The following FYCO1 variants were observed in gnomAD, a reference collection of about 807,000 sequenced individuals.
FYCO1 encodes the protein FYVE and coiled-coil domain-containing protein 1.
In FYCO1, 122 loss-of-function variants were observed where a neutral mutation model predicts 165.1. That is an observed-to-expected ratio of 0.74 (90% CI 0.64 to 0.86). The LOEUF is 0.86. Ranked by LOEUF, FYCO1 falls within the 40% of genes least tolerant of loss-of-function variation. The probability of loss-of-function intolerance (pLI) is 0.00; values close to 1 mark genes in which losing one functional copy is unlikely to be tolerated. For missense variants in FYCO1, 1,702 were observed against 1,810.3 expected, an observed-to-expected ratio of 0.94 and a Z score of 1.09; for synonymous variants, 648 against 742.5, an observed-to-expected ratio of 0.87 and a Z score of 2.07.
At chr3:45,977,669 A>C (rs1706843094) in intron 4 of FYCO1, among the ~76,000 whole-genome samples, 1 of 151,904 alleles carries the variant, frequency 6.6e-6, no homozygotes, top group African/African-American at 2.4e-5. Flanking sequence ...TTGTGCCAAG[A>C]GCCCGATGCC....
chr3:45,934,471 A>C (rs941633800), intron 15 of FYCO1, among the ~76,000 whole-genome samples: 1 of 152,262 alleles, frequency 6.6e-6, no homozygotes, highest in Non-Finnish European at 1.5e-5. Flanking sequence ...CATGGAGGCC[A>C]GAGGGAAGTA....
At chr3:45,982,125 G>A (rs1707089884) in intron 2 of FYCO1, among the ~76,000 whole-genome samples, 1 of 152,180 alleles carries the variant, frequency 6.6e-6, no homozygotes, top group Non-Finnish European at 1.5e-5. Flanking sequence ...TAATAGTAGT[G>A]ACAATCACAA....
intron 4 of FYCO1, among the ~76,000 whole-genome samples, chr3:45,979,334 ACT>A (rs1706929543): frequency 6.6e-6 from 1 of 150,638 alleles, no homozygotes; most frequent in South Asian, 2.1e-4. Context: ...AGCATAGCAA[ACT>A]CTAAAGAATT....
intron 6 of FYCO1, 121 bp downstream of exon 6, chr3:45,972,967 G>A (rs1238739751): frequency 1.0e-6 from 1 of 973,446 alleles, no homozygotes; most frequent in African/African-American, 1.6e-5. Context: ...TGGAATAAGA[G>A]TTGAACAGGT....
At chr3:45,944,227 T>C (rs938966544) in intron 14 of FYCO1, among the ~76,000 whole-genome samples, 5 of 151,944 alleles carry the variant, frequency 3.3e-5, no homozygotes, top group Non-Finnish European at 5.9e-5. Flanking sequence ...TATATATATA[T>C]ACATTATTTC....
rs558777911 is a variant in FYCO1, at chr3:45,981,624, C to T, written c.108G>A (p.Thr36=). 3.2e-5 allele frequency: 51 copies of T among 1,614,048 alleles called. No individual in the cohort carries two copies. The highest frequency in any genetic ancestry group is 1.6e-4 in the Middle Eastern group (1 of 6,062). Residue 36 remains threonine (T), a synonymous_variant, in exon 3 of 18, where the codon ACG becomes ACA. Transcript: ENST00000296137. Reference sequence around the variant, plus strand: ...ATTTATGCAAGCTGGTGCTGTCATCCGTGATGGGTTCCCCTGCTTCCTGAA... The same window carrying T: ...ATTTATGCAAGCTGGTGCTGTCATCTGTGATGGGTTCCCCTGCTTCCTGAA... The part of the protein sequence containing the change: ...KEFQEAGEPI[T]DDSTSLHKFS...
At chr3:45,931,613 A>T (rs1703631954) in intron 15 of FYCO1, among the ~76,000 whole-genome samples, 1 of 152,238 alleles carries the variant, frequency 6.6e-6, no homozygotes, top group African/African-American at 2.4e-5. Flanking sequence ...CCTCATGGAC[A>T]GGAAGCAAGT....
At chr3:45,970,210 G>A (rs1200790960) in intron 6 of FYCO1, among the ~76,000 whole-genome samples, 3 of 152,232 alleles carry the variant, frequency 2.0e-5, no homozygotes, top group African/African-American at 4.8e-5. Context: ...AGGCCAGTCA[G>A]TGCAGATACA....
At chr3:45,956,558 G>T (rs1338102501) in intron 13 of FYCO1, among the ~76,000 whole-genome samples, 5 of 149,786 alleles carry the variant, frequency 3.3e-5, no homozygotes, top group Non-Finnish European at 7.5e-5. Flanking sequence ...CCCTGCTTTA[G>T]AAGTGAAGTT....
At chr3:45,950,057 T>C (rs1001127244) in intron 14 of FYCO1, among the ~76,000 whole-genome samples, 1 of 152,130 alleles carries the variant, frequency 6.6e-6, no homozygotes, top group African/African-American at 2.4e-5. Flanking sequence ...ACAGGCTCCA[T>C]TCCACAGAGG....
In FYCO1 at chr3:45,921,860, A is replaced by G; in HGVS notation, c.4362-20T>C. 6.4e-7 allele frequency: 1 copy of G among 1,550,730 alleles called. No individual in the cohort carries two copies. The highest frequency in any genetic ancestry group is 8.9e-7 in the Non-Finnish European group (1 of 1,122,536). On this transcript the variant is annotated intron_variant, in intron 17 of 17. Coordinates refer to ENST00000296137, the MANE Select transcript of FYCO1 (RefSeq NM_024513.4). ...ACAAACCTGAGGAAACAGAAATGGA[A>G]AGGGAGGGTGTTACCTGAGAGCTGA...
intron 14 of FYCO1, among the ~76,000 whole-genome samples, chr3:45,952,553 G>A (rs1705092956): frequency 6.6e-6 from 1 of 152,232 alleles, no homozygotes; most frequent in African/African-American, 2.4e-5. Context: ...GTTCCTATCA[G>A]TTAGTCCCAG....
chr3:45,951,782 C>G (rs563913156), intron 14 of FYCO1, among the ~76,000 whole-genome samples: 2 of 152,254 alleles, frequency 1.3e-5, no homozygotes, highest in South Asian at 4.1e-4. Flanking sequence ...ACAGGGACCA[C>G]TAGGAGGTTG....
In FYCO1 at chr3:45,919,170, G is replaced by T. The variant is rs958010507; in HGVS notation, c.*2595C>A. ...AGCCAGGGCTACCACCTGCAGCAGT[G>T]GTTCTTCAATTGCTATTTGCATTTC... On this transcript the variant is annotated 3_prime_UTR_variant, in exon 18 of 18. Coordinates refer to ENST00000296137, the MANE Select transcript of FYCO1 (RefSeq NM_024513.4). The T allele has an allele frequency of 6.6e-6, 1 of 151,944 alleles. No homozygotes were observed. Among genetic ancestry groups the T allele is most frequent in the Admixed American group, 6.6e-5 (1 of 15,262 alleles). 9.4% of individuals were successfully genotyped at this position (151,944 alleles called of 1,614,324 possible). A position where few individuals can be genotyped will look rare whatever the true frequency, so the allele number is the denominator to read the frequency against.
At chr3:45,960,874 G>A (rs1472651947) in intron 11 of FYCO1, among the ~76,000 whole-genome samples, 1 of 152,084 alleles carries the variant, frequency 6.6e-6, no homozygotes, top group Non-Finnish European at 1.5e-5. Context: ...GCTCACTGGT[G>A]TCTGAGTCTC....
Position 45,950,029 on chromosome 3 carries a change from G to A in FYCO1, c.3944+5220C>T, listed in dbSNP as rs1486997688. Reference sequence around the variant, plus strand: ...CTCCATCCACATCACAGCCCAGGAAGCAGAAGATGCTGTTGGTACAGGCTC... The same window carrying A: ...CTCCATCCACATCACAGCCCAGGAAACAGAAGATGCTGTTGGTACAGGCTC... On this transcript the variant is annotated intron_variant, in intron 14 of 17. Coordinates refer to ENST00000296137, the MANE Select transcript of FYCO1 (RefSeq NM_024513.4). 2.6e-5 allele frequency among the ~76,000 whole-genome samples: 4 copies of A among 152,160 alleles called. No individual in the cohort carries two copies. The South Asian group carries it at 6.2e-4, about 24-fold the overall frequency.
Position 45,966,854 on chromosome 3 carries a change from A to G in FYCO1, c.2480T>C (p.Val827Ala), listed in dbSNP as rs1706059448. 1 of 1,612,550 alleles carries G rather than the reference A, an allele frequency of 6.2e-7. No homozygotes were observed. Among genetic ancestry groups the G allele is most frequent in the Admixed American group, 1.7e-5 (1 of 60,028 alleles). ...EAVLREHKTL[V>A]QQLKEQNEAL... ...TTCATTCTGCTCCTTCAGCTGCTGC[A>G]CAAGGGTTTTGTGCTCCCTCAGGAC... Residue 827 changes from valine (V) to alanine (A), a missense_variant, in exon 8 of 18, where the codon GTG becomes GCG. Val to Ala is a moderately conservative substitution (Grantham distance 64, BLOSUM62 0). Coordinates refer to ENST00000296137, the MANE Select transcript of FYCO1 (RefSeq NM_024513.4).
chr3:45,966,572 C>T lies in FYCO1; in HGVS notation c.2762G>A (p.Arg921Gln). ...QVCALTVEKE[R>Q]VEEALACAVQ... ...AGCACAGGCCAGTGCCTCCTCCACT[C>T]GCTCCTTTTCCACGGTCAGTGCGCA... The change falls in exon 8 of 18, where the codon CGA (arginine) becomes CAA (glutamine). Residue 921 changes from arginine (R) to glutamine (Q), a missense_variant. Coordinates refer to ENST00000296137, the MANE Select transcript of FYCO1 (RefSeq NM_024513.4). The T allele has an allele frequency of 5.0e-6, 8 of 1,614,220 alleles. No individual in the cohort carries two copies. Among genetic ancestry groups the T allele is most frequent in the South Asian group, 2.2e-5 (2 of 91,086 alleles).
chr3:45,962,558 C>A lies in FYCO1; in HGVS notation c.3270-166G>T, dbSNP rs193122168. Among the ~76,000 whole-genome samples, 183 of 152,258 alleles carry A rather than the reference C, an allele frequency of 1.2e-3. No individual in the cohort carries two copies. Among genetic ancestry groups the A allele is most frequent in the Non-Finnish European group, 1.9e-3 (132 of 68,016 alleles). The stretch of plus-strand genomic sequence containing the variant: ...CAGTCCCCTAGCTTTTGAGACTCTC[C>A]TCTCACCCCCACATACAAAGGGGCA... On this transcript the variant is annotated intron_variant, in intron 10 of 17. Coordinates refer to ENST00000296137, the MANE Select transcript of FYCO1 (RefSeq NM_024513.4). This position sits in a 1 kb window ranked among gnomAD's most constrained non-coding sequence, Gnocchi z 4.4.
Sources: allele counts gnomAD v4.1 joint callset (sites outside exome capture counted in the v4.1 genomes callset), GRCh38; gene constraint gnomAD v4.1.1; non-coding constraint Gnocchi (gnomAD v3.1); transcripts MANE v1.5; gene names NCBI Gene and HGNC (gene_info 2026-07-23, HGNC 2026-07-21).